The following PTPRC variants were observed in gnomAD, a reference collection of about 807,000 sequenced individuals.
The protein encoded by PTPRC is protein tyrosine phosphatase receptor type C, also known as receptor-type tyrosine-protein phosphatase C.
A neutral mutation model predicts 155.9 loss-of-function variants in PTPRC; 44 were observed. The ratio of observed to expected loss-of-function variants is 0.28; its 90% CI spans 0.22 to 0.36. The LOEUF is 0.36. Among genes scored for constraint, PTPRC ranks in the 10% least tolerant of loss-of-function variants. The probability of loss-of-function intolerance (pLI) is 1.00; values close to 1 mark genes in which losing one functional copy is unlikely to be tolerated. For missense variants in PTPRC, 1,401 were observed against 1,564.6 expected (o/e 0.90, Z 1.76); for synonymous variants, 525 against 533.1 (o/e 0.98, Z 0.21).
At chr1:198,645,156 T>C (rs180953901) in intron 2 of PTPRC, among the ~76,000 whole-genome samples, 26 of 151,958 alleles carry the variant, frequency 1.7e-4, no homozygotes, top group East Asian at 9.7e-4. Flanking sequence ...ACAGCTGGTA[T>C]AGCAAACTTG....
chr1:198,736,717 C>G (rs2102497780), intron 23 of PTPRC, among the ~76,000 whole-genome samples: 1 of 151,766 alleles, frequency 6.6e-6, no homozygotes, highest in East Asian at 1.9e-4. Context: ...AGTGGGATTG[C>G]TGGATCATAT....
intron 2 of PTPRC, among the ~76,000 whole-genome samples, chr1:198,683,327 T>G (rs1278763193): frequency 6.6e-6 from 1 of 152,162 alleles, no homozygotes; most frequent in African/African-American, 2.4e-5. Flanking sequence ...TGATGATTCT[T>G]TGTTCTTTAA....
At chr1:198,694,829 G>C in intron 3 of PTPRC, 1 of 945,674 alleles carries the variant, frequency 1.1e-6, no homozygotes, top group East Asian at 1.2e-4. Context: ...TCAATGCATA[G>C]TAGTTGAAAA....
intron 17 of PTPRC, among the ~76,000 whole-genome samples, chr1:198,731,080 G>A (rs538471840): frequency 1.3e-5 from 2 of 152,030 alleles, no homozygotes; most frequent in African/African-American, 4.8e-5. Flanking sequence ...CACAAACATG[G>A]TATATAATGT....
rs531852553 is a variant in PTPRC, at chr1:198,754,907, C to A, written c.3645+503C>A. Among the ~76,000 whole-genome samples the A allele has an allele frequency of 2.6e-5, 4 of 152,224 alleles. No individual in the cohort carries two copies. The South Asian group carries it at 6.2e-4, about 24-fold the overall frequency. On this transcript the variant is annotated intron_variant, in intron 32 of 32. Coordinates refer to ENST00000442510, the MANE Select transcript of PTPRC (RefSeq NM_002838.5). ...GGCTGGTCTAAAGTGACCTACACTG[C>A]CAGTAGGCTGGCATGTGGCTGCCAT...
At chr1:198,650,651 C>T (rs1447473330) in intron 2 of PTPRC, among the ~76,000 whole-genome samples, 1 of 151,684 alleles carries the variant, frequency 6.6e-6, no homozygotes, top group African/African-American at 2.4e-5. Flanking sequence ...GAGGCTGAGG[C>T]CCATTCAGTA....
In PTPRC at chr1:198,677,094, G is replaced by A. The variant is rs546977896; in HGVS notation, c.74-15253G>A. ...GGTCACTGAGTGAAAAAAGCAGAAG[G>A]ATAGACTGGTGTTAACTGTAATGAA... On this transcript the variant is annotated intron_variant, in intron 2 of 32. Transcript: ENST00000442510. 1.7e-4 allele frequency among the ~76,000 whole-genome samples: 26 copies of A among 152,258 alleles called. No individual in the cohort carries two copies. In the South Asian group the frequency reaches 5.2e-3, roughly 30 times the overall value.
chr1:198,756,436 GTATA>G lies in PTPRC; in HGVS notation c.*257_*260del. ...CAACTTCTTTGTAATCGTTATGTGT[GTATA>G]TGTATGTGTGTATGGGTGTGTGTTT... On this transcript the variant is annotated 3_prime_UTR_variant, in exon 33 of 33. Transcript: ENST00000442510. 2.0e-6 allele frequency: 1 copy of G among 491,454 alleles called. No individual in the cohort carries two copies. The highest frequency in any genetic ancestry group is 3.7e-6 in the Non-Finnish European group (1 of 272,440). The allele number at this position is 491,454 out of a possible 1,614,324, so 30.4% of individuals were successfully genotyped here.
intron 17 of PTPRC, among the ~76,000 whole-genome samples, chr1:198,730,187 C>A (rs1310459021): frequency 2.0e-5 from 3 of 152,042 alleles, no homozygotes; most frequent in Non-Finnish European, 4.4e-5. Context: ...ATGCTTAAGA[C>A]AGGAATAATT....
At chr1:198,694,694 AG>A in intron 3 of PTPRC, 1 of 978,360 alleles carries the variant, frequency 1.0e-6, no homozygotes, top group Non-Finnish European at 1.2e-6. Flanking sequence ...GTGAATAGAA[AG>A]AATTCTAAAC....
rs780009687 is a variant in PTPRC at position 198,702,450 on chromosome 1, C to A, written c.503C>A (p.Thr168Asn). Residue 168 changes from threonine (T) to asparagine (N), a missense_variant, in exon 6 of 33, where the codon ACC (threonine) becomes AAC (asparagine). Around this residue, in one of 3 missense-constraint regions of PTPRC, gnomAD observed 867 missense variants for 970.4 expected, o/e 0.89. Coordinates refer to ENST00000442510, the MANE Select transcript of PTPRC (RefSeq NM_002838.5). Reference protein sequence around the residue: ...FPTDPVSPLTTTLSLAHHSSA... With the variant: ...FPTDPVSPLTNTLSLAHHSSA... ...ACAGACCCAGTTTCCCCATTGACAA[C>A]CACCCTCAGCCTTGCACACCACAGC... 6.2e-7 allele frequency: 1 copy of A among 1,614,170 alleles called. No individual in the cohort carries two copies. Among genetic ancestry groups the A allele is most frequent in the Non-Finnish European group, 8.5e-7 (1 of 1,180,032 alleles).
At position 198,744,104 on chromosome 1, in the gene PTPRC, A is replaced by G. The variant is rs778927887; in HGVS notation, c.2748A>G (p.Gly916=). The G allele has an allele frequency of 6.2e-7, 1 of 1,605,770 alleles. No homozygotes were observed. Among genetic ancestry groups the G allele is most frequent in the Middle Eastern group, 1.7e-4 (1 of 6,032 alleles). The change falls in exon 26 of 33, where the codon GGA becomes GGG. Residue 916 remains glycine (G), a synonymous_variant. Transcript: ENST00000442510. ...CTTTGGTGGAATACAATCAGTTTGG[A>G]GAAACAGAAGTGAATTTGTCTGAAT... ...HQALVEYNQF[G]ETEVNLSELH...
rs776009650 is a variant in PTPRC at position 198,702,405 on chromosome 1, G to C, written c.458G>C (p.Ser153Thr). 1 of 1,614,172 alleles carries C rather than the reference G, an allele frequency of 6.2e-7. No homozygotes were observed. The highest frequency in any genetic ancestry group is 1.3e-5 in the African/African-American group (1 of 75,036). The change falls in exon 6 of 33, where the codon AGT (serine) becomes ACT (threonine). Residue 153 changes from serine to threonine, a missense_variant. Ser to Thr is a moderately conservative substitution (Grantham distance 58, BLOSUM62 1). Around this residue, in one of 3 missense-constraint regions of PTPRC, gnomAD observed 867 missense variants for 970.4 expected, o/e 0.89. Transcript: ENST00000442510. ...ATTGCAGATGTCCCAGGAGAGAGGA[G>C]TACAGCCAGCACCTTTCCTACAGAC... ...NAISDVPGER[S>T]TASTFPTDPV...
At chr1:198,716,276 ATGT>A (rs1653581669) in intron 12 of PTPRC, among the ~76,000 whole-genome samples, 1 of 152,186 alleles carries the variant, frequency 6.6e-6, no homozygotes, top group Admixed American at 6.5e-5. Context: ...GCTAATACCG[ATGT>A]TCAAAGTTTG....
intron 27 of PTPRC, 52 bp from the exon 28 acceptor site, chr1:198,749,364 G>C: frequency 1.3e-6 from 2 of 1,547,076 alleles, no homozygotes; most frequent in Non-Finnish European, 8.9e-7. Context: ...TGACAATGAA[G>C]AAGAAATTTA....
Position 198,742,041 on chromosome 1 carries a change from CAA to C in PTPRC, c.2561+26_2561+27del, listed in dbSNP as rs370217220. The C allele has an allele frequency of 2.2e-5, 29 of 1,336,968 alleles. No individual in the cohort carries two copies. Among genetic ancestry groups the C allele is most frequent in the Admixed American group, 1.0e-4 (5 of 49,838 alleles). 82.8% of individuals were successfully genotyped at this position (1,336,968 alleles called of 1,614,324 possible). ...GTGCACTGCAGGTAGGAAAAACGAA[CAA>C]AAAAAAAAAACAACAACAAAAAAAC... is the stretch of plus-strand genomic sequence containing the variant. On this transcript the variant is annotated intron_variant, in intron 24 of 32. Transcript: ENST00000442510.
At chr1:198,697,170 T>C (rs776321010) in intron 4 of PTPRC, among the ~76,000 whole-genome samples, 2 of 152,142 alleles carry the variant, frequency 1.3e-5, no homozygotes, top group African/African-American at 2.4e-5. Flanking sequence ...TGTTCTAGTA[T>C]CCTCTGATCT....
chr1:198,692,698 A>T, intron 3 of PTPRC: 3 of 931,116 alleles, frequency 3.2e-6, no homozygotes, highest in Non-Finnish European at 3.9e-6. Flanking sequence ...AAATTAGATA[A>T]CAAAATTTTA....
At chr1:198,693,018 G>T (rs1442981409) in intron 3 of PTPRC, 1 of 957,884 alleles carries the variant, frequency 1.0e-6, no homozygotes, top group East Asian at 1.2e-4. Context: ...CTTAACTGAT[G>T]TTACTGAAAA....
Sources: gnomAD v4.1 joint callset for allele counts (sites outside exome capture counted in the v4.1 genomes callset) on GRCh38, gnomAD v4.1.1 for gene constraint, gnomAD v4.1.1 regional missense constraint, MANE v1.5 for transcripts, NCBI Gene and HGNC (gene_info 2026-07-23, HGNC 2026-07-21) for gene names.